Variants in SAG observed in about 807,000 individuals in gnomAD.
SAG encodes the protein S-arrestin.
SAG carries 45 observed loss-of-function variants against 55.0 expected under a neutral mutation model. That is an observed-to-expected ratio of 0.82 (90% CI 0.64 to 1.05). The LOEUF is 1.05. Ranked by LOEUF, SAG falls within the 50% of genes least tolerant of loss-of-function variation. SAG has a pLI of 0.00. For missense variants in SAG, 455 were observed against 512.1 expected (o/e 0.89, Z 1.08); for synonymous variants, 189 against 197.4 (o/e 0.96, Z 0.36).
At chr2:233,323,152 G>T (rs962326913) in intron 6 of SAG, 147 bp downstream of exon 6, 2 of 658,170 alleles carry the variant, frequency 3.0e-6, no homozygotes, top group Non-Finnish European at 5.4e-6. Context: ...TGTGGTTTCT[G>T]GGCTCAAGTG....
In SAG at chr2:233,319,004, C is replaced by T. The variant is rs780975903; in HGVS notation, c.181+209C>T. 10 of 710,720 alleles carry T rather than the reference C, an allele frequency of 1.4e-5. No homozygotes were observed. In the Admixed American group the frequency reaches 1.8e-4, roughly 13 times the overall value. The allele number at this position is 710,720 out of a possible 1,614,324, so 44.0% of individuals were successfully genotyped here. ...CTGTTGACACCAGAGCTCACTCGCT[C>T]AGCAAAGTCATTGTCCAGGGTGGCA... is the stretch of plus-strand genomic sequence containing the variant. On this transcript the variant is annotated intron_variant, in intron 4 of 15. Coordinates refer to ENST00000409110, the MANE Select transcript of SAG (RefSeq NM_000541.5). This position sits in a 1 kb window ranked among gnomAD's most constrained non-coding sequence, Gnocchi z 4.4.
chr2:233,323,879 G>A (rs1290299485), intron 6 of SAG, among the ~76,000 whole-genome samples: 2 of 152,106 alleles, frequency 1.3e-5, no homozygotes, highest in Non-Finnish European at 2.9e-5. Flanking sequence ...GGAACTACAC[G>A]GCATGCCAGG....
chr2:233,329,571 G>C lies in SAG; in HGVS notation c.727G>C (p.Ala243Pro). The change falls in exon 9 of 16, where the codon GCA becomes CCA. Residue 243 changes from alanine (A) to proline (P), a missense_variant. Transcript: ENST00000409110. ...NTEKTVKKIK[A>P]FVEQVANVVL... Reference sequence around the variant, plus strand: ...AGAGAAGACCGTGAAGAAGATTAAAGCATTCGGTAGGACCTTCTTCTCAGA... The same window carrying C: ...AGAGAAGACCGTGAAGAAGATTAAACCATTCGGTAGGACCTTCTTCTCAGA... 6.2e-7 allele frequency: 1 copy of C among 1,604,864 alleles called. No homozygotes were observed. The highest frequency in any genetic ancestry group is 8.5e-7 in the Non-Finnish European group (1 of 1,171,762).
intron 8 of SAG, 54 bp downstream of exon 8, chr2:233,328,667 C>T: frequency 6.5e-7 from 1 of 1,539,628 alleles, no homozygotes. Context: ...GGGGCAGGCC[C>T]CACACCCCTC....
chr2:233,318,907 C>T (rs564442532), intron 4 of SAG, 112 bp downstream of exon 4: 51 of 908,140 alleles, frequency 5.6e-5, no homozygotes, highest in Admixed American at 4.6e-4. Context: ...GCAGAGGCAG[C>T]GCTCTTGCAC....
intron 12 of SAG, among the ~76,000 whole-genome samples, chr2:233,339,525 C>T (rs1407785169): frequency 2.1e-5 from 3 of 143,162 alleles, no homozygotes; most frequent in East Asian, 2.0e-4. Flanking sequence ...TTGCATTTTT[C>T]GTTAGCATAG....
intron 10 of SAG, chr2:233,333,305 A>G (rs924958361): frequency 6.6e-6 from 1 of 152,166 alleles, no homozygotes; most frequent in African/African-American, 2.4e-5. Flanking sequence ...ACCTTTCCTC[A>G]TGTGCTCAGC....
Position 233,338,692 on chromosome 2 carries a change from G to A in SAG, c.961G>A (p.Asp321Asn). 6.2e-7 allele frequency: 1 copy of A among 1,613,902 alleles called. No individual in the cohort carries two copies. Among genetic ancestry groups the A allele is most frequent in the Non-Finnish European group, 8.5e-7 (1 of 1,179,850 alleles). ...TTTGGGCAGCATTAAGGAGGGCATA[G>A]ACCGGACCGTCCTGGGAATCCTGGT... ...ASSTIIKEGI[D>N]RTVLGILVSY... is the part of the protein sequence containing the mutation. The change falls in exon 12 of 16, where the codon GAC becomes AAC. Residue 321 changes from aspartate to asparagine, a missense_variant. Physicochemically the swap from Asp to Asn is conservative, Grantham distance 23. Coordinates refer to ENST00000409110, the MANE Select transcript of SAG (RefSeq NM_000541.5).
rs35371121 is a variant in SAG, at chr2:233,346,499, A to G, written c.1112+87A>G. 4.9e-6 allele frequency: 7 copies of G among 1,421,498 alleles called. No individual in the cohort carries two copies. The South Asian group carries it at 8.1e-5, about 16-fold the overall frequency. 88.1% of individuals were successfully genotyped at this position (1,421,498 alleles called of 1,614,324 possible). A position where few individuals can be genotyped will look rare whatever the true frequency, so the allele number is the denominator to read the frequency against. On this transcript the variant is annotated intron_variant, in intron 15 of 15. Coordinates refer to ENST00000409110, the MANE Select transcript of SAG (RefSeq NM_000541.5). ...CACAAAACCCTCTTTGAGTCTTTGC[A>G]CATATCCCAAGCTCTCCTGCCGGCT...
At chr2:233,320,924 C>A in intron 5 of SAG, 101 bp downstream of exon 5, 1 of 1,021,966 alleles carries the variant, frequency 9.8e-7, no homozygotes, top group Non-Finnish European at 1.4e-6. Context: ...TTCACATCTG[C>A]AGGCCTGGAA....
At chr2:233,320,599 A>T in intron 4 of SAG, 31 bp from the exon 5 acceptor site, 1 of 1,533,942 alleles carries the variant, frequency 6.5e-7, no homozygotes, top group South Asian at 1.3e-5. Flanking sequence ...GCCGAGGGCC[A>T]AGTCCGACCC....
At chr2:233,318,687 A>G in intron 3 of SAG, 64 bp from the exon 4 acceptor site, 1 of 1,366,712 alleles carries the variant, frequency 7.3e-7, no homozygotes, top group Non-Finnish European at 1.0e-6. Flanking sequence ...CGCAGTTTTT[A>G]AAGTAGGTGT....
Position 233,334,955 on chromosome 2 carries a change from C to T in SAG, c.807-7C>T. The T allele has an allele frequency of 1.9e-6, 3 of 1,613,898 alleles. No homozygotes were observed. Among genetic ancestry groups the T allele is most frequent in the Non-Finnish European group, 2.5e-6 (3 of 1,179,798 alleles). On this transcript the variant is annotated splice_polypyrimidine_tract_variant and splice_region_variant and intron_variant, in intron 10 of 15. Transcript: ENST00000409110. ...GTTATAAATCTCCTCTGTTCTTCTT[C>T]CTCTAGAGAAAAAGTGCCACCAAAC... is the stretch of plus-strand genomic sequence containing the variant.
chr2:233,327,344 G>T (rs1230328654), intron 7 of SAG, 147 bp downstream of exon 7: 5 of 586,574 alleles, frequency 8.5e-6, no homozygotes, highest in Non-Finnish European at 1.2e-5. Flanking sequence ...GAGGTCAAAG[G>T]TTGATCATTT....
chr2:233,334,490 T>C (rs1310995564), intron 10 of SAG: 2 of 154,366 alleles, frequency 1.3e-5, no homozygotes, highest in African/African-American at 4.8e-5. Context: ...GATCCACAAA[T>C]TGTGGGTCCC....
intron 14 of SAG, chr2:233,345,572 T>A (rs986581976): frequency 2.0e-5 from 3 of 151,234 alleles, no homozygotes; most frequent in African/African-American, 7.3e-5. Flanking sequence ...AATACAAAAA[T>A]TAGCCAGGCA....
At chr2:233,332,647 G>A (rs1276728324) in intron 10 of SAG, 1 of 147,174 alleles carries the variant, frequency 6.8e-6, no homozygotes, top group Non-Finnish European at 1.5e-5. Context: ...CCGCCACCAA[G>A]CCCAGCTAAT....
intron 1 of SAG, among the ~76,000 whole-genome samples, chr2:233,308,481 A>AAC (rs987505800): frequency 1.3e-5 from 2 of 152,142 alleles, no homozygotes; most frequent in African/African-American, 4.8e-5. Context: ...AAAAAAAAAA[A>AAC]ACCTCAGAGT....
rs1700683259 is a variant in SAG, at chr2:233,329,584, C to A, written c.733+7C>A. On this transcript the variant is annotated splice_region_variant and intron_variant, in intron 9 of 15. Coordinates refer to ENST00000409110, the MANE Select transcript of SAG (RefSeq NM_000541.5). ...AAGAAGATTAAAGCATTCGGTAGGA[C>A]CTTCTTCTCAGAAGTAGAGGGCATA... 1.3e-6 allele frequency: 2 copies of A among 1,587,170 alleles called. No individual in the cohort carries two copies. The highest frequency in any genetic ancestry group is 1.7e-6 in the Non-Finnish European group (2 of 1,155,690).
Sources: allele counts gnomAD v4.1 joint callset (sites outside exome capture counted in the v4.1 genomes callset), GRCh38; gene constraint gnomAD v4.1.1; non-coding constraint Gnocchi (gnomAD v3.1); transcripts MANE v1.5; gene names NCBI Gene and HGNC (gene_info 2026-07-23, HGNC 2026-07-21).